COX14: variants seen among roughly 807,000 people sequenced by gnomAD.
COX14 encodes cytochrome c oxidase assembly factor COX14, also known as cytochrome c oxidase assembly protein COX14.
In COX14, 3 loss-of-function variants were observed where a neutral mutation model predicts 5.8. That is an observed-to-expected ratio of 0.51 (90% CI 0.23 to 1.33). The LOEUF (loss-of-function observed/expected upper bound fraction) is 1.33, where lower values mean the gene tolerates loss of function less well. Ranked by LOEUF, COX14 falls within the 40% of genes most tolerant of loss-of-function variation. The pLI, the probability that COX14 is intolerant of heterozygous loss-of-function variation, is 0.18. For missense variants in COX14, 72 were observed against 72.1 expected (o/e 1.00, Z 0.01); for synonymous variants, 25 against 26.1 (o/e 0.96, Z 0.13).
At chr12:50,112,323 A>G (rs911815704) in intron 1 of COX14, 22 bp downstream of exon 1, 1 of 985,338 alleles carries the variant, frequency 1.0e-6, no homozygotes, top group African/African-American at 1.7e-5. Context: ...GCTAGGGCCG[A>G]GCAGGGGCTG....
chr12:50,117,007 T>C (rs376369805), intron 1 of COX14, among the ~76,000 whole-genome samples: 74 of 152,150 alleles, frequency 4.9e-4, no homozygotes, highest in African/African-American at 1.8e-3. Context: ...GAGCTTTACT[T>C]TCAATTTTTT....
In COX14 at chr12:50,120,188, GAA is replaced by G; in HGVS notation, c.146_147del (p.Glu49GlyfsTer17). ...GCGCAGGGCCCAGCGCCAGGCCGCA[GAA>G]GAACAGAAGACCTCAGGAATCATGT... is the stretch of plus-strand genomic sequence containing the variant. ...QWRRAQRQAAEEQKTSGIM is the reference protein window; with the variant it reads ...QWRRAQRQAAXEQKTSGIM On this transcript the variant is annotated frameshift_variant, in exon 2 of 2. Coordinates refer to ENST00000550487, the MANE Select transcript of COX14 (RefSeq NM_032901.4). LOFTEE classifies it high-confidence loss of function. 6.2e-7 allele frequency: 1 copy of G among 1,614,132 alleles called. No individual in the cohort carries two copies. The highest frequency in any genetic ancestry group is 8.5e-7 in the Non-Finnish European group (1 of 1,180,016).
chr12:50,114,723 A>G (rs1951063308), intron 1 of COX14, among the ~76,000 whole-genome samples: 1 of 145,880 alleles, frequency 6.9e-6, no homozygotes, highest in Admixed American at 6.9e-5. Context: ...TTGTATTTCC[A>G]TCTGCCTGAT....
At chr12:50,118,402 C>A in intron 1 of COX14, 1 of 984,382 alleles carries the variant, frequency 1.0e-6, no homozygotes, top group Middle Eastern at 5.2e-4. Flanking sequence ...TGTCAGTCTT[C>A]GTGCAGCTTG....
chr12:50,119,966 C>A (rs1377136740), intron 1 of COX14, 70 bp from the exon 2 acceptor site: 1 of 1,216,512 alleles, frequency 8.2e-7, no homozygotes, highest in Non-Finnish European at 1.2e-6. Context: ...TATGGAATGG[C>A]GTTAAACAGG....
chr12:50,112,558 G>A, intron 1 of COX14: 1 of 801,042 alleles, frequency 1.2e-6, no homozygotes, highest in Non-Finnish European at 1.5e-6. Context: ...CTGGCGTCTC[G>A]ACCCTCCACG....
intron 1 of COX14, among the ~76,000 whole-genome samples, chr12:50,118,108 G>A (rs868315628): frequency 4.7e-5 from 7 of 147,554 alleles, no homozygotes; most frequent in South Asian, 2.2e-4. Flanking sequence ...ATGCACTGGC[G>A]CAATCTCACC....
intron 1 of COX14, among the ~76,000 whole-genome samples, chr12:50,116,417 T>C (rs1253665450): frequency 2.0e-5 from 3 of 152,270 alleles, no homozygotes; most frequent in African/African-American, 2.4e-5. Context: ...TAATTGGATA[T>C]TAGGGAAAAC....
chr12:50,116,662 G>T (rs1337364563), intron 1 of COX14, among the ~76,000 whole-genome samples: 1 of 152,206 alleles, frequency 6.6e-6, no homozygotes, highest in African/African-American at 2.4e-5. Context: ...GTTGAAGGCT[G>T]CAGGGCTCTT....
At chr12:50,116,704 G>A (rs1951083537) in intron 1 of COX14, among the ~76,000 whole-genome samples, 1 of 152,212 alleles carries the variant, frequency 6.6e-6, no homozygotes, top group South Asian at 2.1e-4. Context: ...CTCCATGGGT[G>A]TGTGTTTTGT....
At chr12:50,117,560 C>T (rs532542910) in intron 1 of COX14, among the ~76,000 whole-genome samples, 2 of 151,240 alleles carry the variant, frequency 1.3e-5, no homozygotes, top group South Asian at 4.2e-4. Context: ...TGGCTTCCAC[C>T]CTGGCACTCT....
intron 1 of COX14, among the ~76,000 whole-genome samples, chr12:50,117,735 G>C (rs866069848): frequency 1.4e-5 from 2 of 141,380 alleles, no homozygotes; most frequent in African/African-American, 5.4e-5. Flanking sequence ...GCACCACCAC[G>C]CTGGGCTAAT....
chr12:50,116,851 T>G (rs1951084448), intron 1 of COX14, among the ~76,000 whole-genome samples: 1 of 152,178 alleles, frequency 6.6e-6, no homozygotes, highest in Non-Finnish European at 1.5e-5. Context: ...ATAGTGGGAT[T>G]ATATTTCAAA....
chr12:50,117,581 C>CT (rs397850921), intron 1 of COX14, among the ~76,000 whole-genome samples: 41,772 of 134,600 alleles, frequency 0.31, 7,261 homozygotes, highest in East Asian at 0.75. Flanking sequence ...TTTTCTGTCT[C>CT]TTTTTTTTTT....
intron 1 of COX14, among the ~76,000 whole-genome samples, chr12:50,113,816 C>T (rs972016540): frequency 6.6e-6 from 1 of 151,530 alleles, no homozygotes; most frequent in African/African-American, 2.4e-5. Flanking sequence ...TATTTTTAGT[C>T]AAGACAGGGT....
At chr12:50,115,286 C>T (rs1005639352) in intron 1 of COX14, among the ~76,000 whole-genome samples, 2 of 149,856 alleles carry the variant, frequency 1.3e-5, no homozygotes, top group African/African-American at 4.9e-5. Flanking sequence ...GCGATCTCTG[C>T]TCACTGCGAG....
intron 1 of COX14, among the ~76,000 whole-genome samples, chr12:50,114,230 A>C (rs1565751431): frequency 2.6e-5 from 4 of 151,194 alleles, no homozygotes; most frequent in Non-Finnish European, 4.4e-5. Context: ...AAAAAAAAAA[A>C]AAAAAAAACA....
At chr12:50,119,726 G>A (rs1219990989) in intron 1 of COX14, among the ~76,000 whole-genome samples, 1 of 152,164 alleles carries the variant, frequency 6.6e-6, no homozygotes, top group Non-Finnish European at 1.5e-5. Context: ...GTCCAGGCTG[G>A]TCCATGCCAG....
intron 1 of COX14, among the ~76,000 whole-genome samples, chr12:50,113,468 T>C (rs1205111835): frequency 1.3e-5 from 2 of 151,226 alleles, no homozygotes; most frequent in African/African-American, 4.9e-5. Context: ...CACGCCCGGC[T>C]AATTTTTTGT....
Sources: gnomAD v4.1 joint callset for allele counts (sites outside exome capture counted in the v4.1 genomes callset) on GRCh38, gnomAD v4.1.1 for gene constraint, MANE v1.5 for transcripts, NCBI Gene and HGNC (gene_info 2026-07-23, HGNC 2026-07-21) for gene names.